GRHL3: variants seen among roughly 807,000 people sequenced by gnomAD.
GRHL3 encodes grainyhead like transcription factor 3.
GRHL3 carries 20 observed loss-of-function variants against 70.3 expected under a neutral mutation model. The observed-to-expected ratio is 0.28, with a 90% CI of 0.20 to 0.41. The LOEUF (loss-of-function observed/expected upper bound fraction) is 0.41, where lower values mean the gene tolerates loss of function less well. Ranked by LOEUF, GRHL3 falls within the 10% of genes least tolerant of loss-of-function variation. The pLI is 1.00. For missense variants in GRHL3, 637 were observed against 762.3 expected, an observed-to-expected ratio of 0.84 and a Z score of 1.94; for synonymous variants, 299 against 299.9, an observed-to-expected ratio of 1.00 and a Z score of 0.03.
chr1:24,349,836 G>A (rs552623234), intron 14 of GRHL3, among the ~76,000 whole-genome samples: 14 of 152,326 alleles, frequency 9.2e-5, no homozygotes, highest in African/African-American at 2.9e-4. Flanking sequence ...ACAACCGTAC[G>A]TACACATGAC....
Position 24,334,280 on chromosome 1 carries a change from G to A in GRHL3, c.205-365G>A, listed in dbSNP as rs1012130294. On this transcript the variant is annotated intron_variant, in intron 2 of 15. Transcript: ENST00000361548. This position sits in a 1 kb window ranked among gnomAD's most constrained non-coding sequence, Gnocchi z 4.3. ...TTTAATTGACTCACAGTTCAGCATG[G>A]CCAGGGAGGCGTCAGGAAACTTAAA... Among the ~76,000 whole-genome samples, 5 of 152,150 alleles carry A rather than the reference G, an allele frequency of 3.3e-5. No homozygotes were observed. The highest frequency in any genetic ancestry group is 7.3e-5 in the Non-Finnish European group (5 of 68,032).
chr1:24,356,705 A>C (rs1640731774), downstream of GRHL3, among the ~76,000 whole-genome samples: 1 of 152,248 alleles, frequency 6.6e-6, no homozygotes, highest in Non-Finnish European at 1.5e-5. Flanking sequence ...CTCAGGGCTC[A>C]CTGGTGGGTC....
At chr1:24,361,036 T>A (rs2148675814) in intron 15 of GRHL3, 1 of 1,602,886 alleles carries the variant, frequency 6.2e-7, no homozygotes, top group Non-Finnish European at 8.5e-7. Context: ...CAGGATGGGG[T>A]TTTTCCTTTG....
intron 11 of GRHL3, among the ~76,000 whole-genome samples, chr1:24,343,882 C>T (rs1234107039): frequency 6.6e-6 from 1 of 152,172 alleles, no homozygotes; most frequent in Non-Finnish European, 1.5e-5. Flanking sequence ...GACAGTGGCG[C>T]TGAGAAGAGC....
chr1:24,342,781 G>C lies in GRHL3; in HGVS notation c.1285+9G>C, dbSNP rs372358007. The C allele has an allele frequency of 6.2e-7, 1 of 1,614,006 alleles. No individual in the cohort carries two copies. The highest frequency in any genetic ancestry group is 1.7e-5 in the Admixed American group (1 of 60,004). The stretch of plus-strand genomic sequence containing the variant: ...TGACTCCAGCAACAGTGGTCAGTGG[G>C]GATCCAGGGCCTGGGTGGGCTCGGC... On this transcript the variant is annotated intron_variant, in intron 10 of 15. Transcript: ENST00000361548. This position sits in a 1 kb window ranked among gnomAD's most constrained non-coding sequence, Gnocchi z 4.8.
intron 12 of GRHL3, 109 bp downstream of exon 12, chr1:24,345,040 GCCCCC>G (rs1640204328): frequency 1.2e-5 from 9 of 737,500 alleles, no homozygotes; most frequent in African/African-American, 5.4e-5. Flanking sequence ...CTACACCTGT[GCCCCC>G]TCCACACCTG....
At chr1:24,327,198 AAG>A (rs1318618317) in intron 1 of GRHL3, among the ~76,000 whole-genome samples, 1 of 152,194 alleles carries the variant, frequency 6.6e-6, no homozygotes, top group Non-Finnish European at 1.5e-5. Context: ...CCCTACTGTA[AAG>A]TAGCCACCCC....
chr1:24,352,798 G>A (rs1230662556), intron 15 of GRHL3, among the ~76,000 whole-genome samples: 2 of 152,148 alleles, frequency 1.3e-5, no homozygotes, highest in Non-Finnish European at 2.9e-5. Context: ...AGCCCTCTGT[G>A]AAATGAAGGA....
intron 1 of GRHL3, chr1:24,323,095 A>C: frequency 6.5e-7 from 1 of 1,545,322 alleles, no homozygotes; most frequent in Non-Finnish European, 8.8e-7. Context: ...AATGTGGATG[A>C]ATTCCATTCT....
intron 1 of GRHL3, among the ~76,000 whole-genome samples, chr1:24,326,554 G>A (rs1381843882): frequency 6.6e-6 from 1 of 152,076 alleles, no homozygotes; most frequent in Non-Finnish European, 1.5e-5. Context: ...GGTCATGTAG[G>A]TCTTACTGCC....
chr1:24,343,587 C>A (rs1477843589), intron 11 of GRHL3, among the ~76,000 whole-genome samples: 1 of 152,206 alleles, frequency 6.6e-6, no homozygotes, highest in Non-Finnish European at 1.5e-5. Flanking sequence ...GCCTCTCAAG[C>A]AGCCGGGACT....
chr1:24,345,666 T>C (rs1415433508), intron 12 of GRHL3, among the ~76,000 whole-genome samples: 2 of 152,156 alleles, frequency 1.3e-5, no homozygotes. Context: ...CTGGGGGGCC[T>C]AGCTGGGGCC....
In GRHL3 at chr1:24,334,872, G is replaced by GA. The variant is rs995015479; in HGVS notation, c.266+173dup. On this transcript the variant is annotated intron_variant, in intron 3 of 15. Coordinates refer to ENST00000361548, the MANE Select transcript of GRHL3 (RefSeq NM_198173.3). The surrounding 1 kb of genome is among the most constrained non-coding windows in gnomAD (Gnocchi z 4.3). ...GTTTTCATTTATTTTAAAATTAAAA[G>GA]AAAAAAATCAATATAATCCAACTTG... 2.6e-5 allele frequency among the ~76,000 whole-genome samples: 4 copies of GA among 152,064 alleles called. No homozygotes were observed. The highest frequency in any genetic ancestry group is 9.6e-5 in the African/African-American group (4 of 41,482).
intron 8 of GRHL3, among the ~76,000 whole-genome samples, chr1:24,340,824 G>A (rs7552183): frequency 4.9e-4 from 75 of 152,284 alleles, no homozygotes; most frequent in African/African-American, 1.7e-3. Flanking sequence ...TGGAGGAGGA[G>A]CTGGGGCCTT....
In GRHL3 at chr1:24,355,147, T is replaced by A. The variant is rs1640668189; in HGVS notation, c.*659T>A. 6.6e-6 allele frequency: 1 copy of A among 152,344 alleles called. No individual in the cohort carries two copies. Among genetic ancestry groups the A allele is most frequent in the African/African-American group, 2.4e-5 (1 of 41,344 alleles). 9.4% of individuals were successfully genotyped at this position (152,344 alleles called of 1,614,324 possible). Reference sequence around the variant, plus strand: ...TTCATTTGTTATATATATATATAAATATACTGTATATATATGCAACATTTT... The same window carrying A: ...TTCATTTGTTATATATATATATAAAAATACTGTATATATATGCAACATTTT... On this transcript the variant is annotated 3_prime_UTR_variant, in exon 16 of 16. Coordinates refer to ENST00000361548, the MANE Select transcript of GRHL3 (RefSeq NM_198173.3).
rs1358100704 is a variant in GRHL3 at position 24,334,881 on chromosome 1, C to T, written c.266+175C>T. ...TATTTTAAAATTAAAAGAAAAAAATCAATATAATCCAACTTGGATTATATT... is the reference window on the plus strand; with the variant it reads ...TATTTTAAAATTAAAAGAAAAAAATTAATATAATCCAACTTGGATTATATT... On this transcript the variant is annotated intron_variant, in intron 3 of 15. Transcript: ENST00000361548. The surrounding 1 kb of genome is among the most constrained non-coding windows in gnomAD (Gnocchi z 4.3). Among the ~76,000 whole-genome samples, 2 of 151,996 alleles carry T rather than the reference C, an allele frequency of 1.3e-5. No homozygotes were observed. Among genetic ancestry groups the T allele is most frequent in the Non-Finnish European group, 2.9e-5 (2 of 67,990 alleles).
intron 1 of GRHL3, among the ~76,000 whole-genome samples, chr1:24,324,502 A>G (rs1416729666): frequency 2.0e-5 from 3 of 152,238 alleles, no homozygotes; most frequent in Non-Finnish European, 4.4e-5. Flanking sequence ...AGTAGTTCAC[A>G]TTGTTATGTG....
intron 1 of GRHL3, among the ~76,000 whole-genome samples, chr1:24,326,819 A>G (rs955745045): frequency 6.6e-6 from 1 of 152,076 alleles, no homozygotes; most frequent in Admixed American, 6.5e-5. Context: ...TCCTGGCTTC[A>G]CTCATTCAGT....
Position 24,350,079 on chromosome 1 carries a change from C to T in GRHL3, c.1651C>T (p.Pro551Ser). Residue 551 changes from proline (P) to serine (S), a missense_variant, in exon 15 of 16, where the codon CCT becomes TCT. Pro to Ser is a moderately conservative substitution (Grantham distance 74). Coordinates refer to ENST00000361548, the MANE Select transcript of GRHL3 (RefSeq NM_198173.3). ...RNAISEKYGF[P>S]EENIYKVYKK... ...CCAGATCTCTGAGAAGTATGGGTTC[C>T]CTGAAGAGAACATTTACAAAGTCTA... 2 of 1,613,466 alleles carry T rather than the reference C, an allele frequency of 1.2e-6. No homozygotes were observed. The highest frequency in any genetic ancestry group is 1.7e-6 in the Non-Finnish European group (2 of 1,179,574).
Sources: gnomAD v4.1 joint callset for allele counts (sites outside exome capture counted in the v4.1 genomes callset) on GRCh38, gnomAD v4.1.1 for gene constraint, Gnocchi (gnomAD v3.1) non-coding constraint, MANE v1.5 for transcripts, NCBI Gene and HGNC (gene_info 2026-07-23, HGNC 2026-07-21) for gene names.